The following ZNF277 variants were observed in gnomAD, a reference collection of about 807,000 sequenced individuals.
The protein encoded by ZNF277 is zinc finger protein 277.
ZNF277 carries 55 observed loss-of-function variants against 60.7 expected under a neutral mutation model. The observed-to-expected ratio is 0.91, with a 90% CI of 0.73 to 1.13. The LOEUF is 1.13. Ranked by LOEUF, ZNF277 falls within the 50% of genes most tolerant of loss-of-function variation. The pLI is 0.00. For missense variants in ZNF277, 510 were observed against 523.0 expected (o/e 0.98, Z 0.24); for synonymous variants, 178 against 179.3 (o/e 0.99, Z 0.06).
chr7:112,330,297 T>C, intron 7 of ZNF277, 81 bp downstream of exon 7: 1 of 1,424,946 alleles, frequency 7.0e-7, no homozygotes. Context: ...AATATTTGAA[T>C]AAGCAATTAT....
At chr7:112,259,759 A>G (rs1791401044) in intron 1 of ZNF277, among the ~76,000 whole-genome samples, 1 of 152,234 alleles carries the variant, frequency 6.6e-6, no homozygotes, top group African/African-American at 2.4e-5. Flanking sequence ...GTAACAGCTC[A>G]TACAAACTGA....
intron 1 of ZNF277, among the ~76,000 whole-genome samples, chr7:112,257,424 C>T (rs565022644): frequency 6.6e-6 from 1 of 152,136 alleles, no homozygotes; most frequent in African/African-American, 2.4e-5. Flanking sequence ...CTAGAGAGAA[C>T]TGGGTATAAA....
chr7:112,337,408 T>C (rs1299360433), intron 8 of ZNF277, among the ~76,000 whole-genome samples: 1 of 152,238 alleles, frequency 6.6e-6, no homozygotes, highest in Non-Finnish European at 1.5e-5. Context: ...TTTTCTGATA[T>C]GTCTCCTTTG....
At position 112,288,951 on chromosome 7, in the gene ZNF277, T is replaced by TAAAAAAAAA. The variant is rs759044500; in HGVS notation, c.293+1897_293+1905dup. 8.4e-4 allele frequency: 59 copies of TAAAAAAAAA among 70,386 alleles called. 2 individuals carry two copies. The highest frequency in any genetic ancestry group is 1.6e-3 in the South Asian group (3 of 1,828). The allele number at this position is 70,386 out of a possible 1,614,324, so 4.4% of individuals were successfully genotyped here. A position where few individuals can be genotyped will look rare whatever the true frequency, so the allele number is the denominator to read the frequency against. ...GCTGCATGTGGCAGTCTGCCTTTCT[T>TAAAAAAAAA]AAAAAAAAAAAAAAAAAAAAAAAAA... On this transcript the variant is annotated intron_variant, in intron 2 of 11. Coordinates refer to ENST00000361822, the MANE Select transcript of ZNF277 (RefSeq NM_021994.3).
At chr7:112,229,983 A>G (rs529519575) in intron 1 of ZNF277, among the ~76,000 whole-genome samples, 120 of 152,322 alleles carry the variant, frequency 7.9e-4, no homozygotes, top group Non-Finnish European at 1.2e-3. Context: ...AAATAGAGCA[A>G]TGGAGTAGGA....
chr7:112,224,352 G>C (rs1439693379), intron 1 of ZNF277, among the ~76,000 whole-genome samples: 1 of 152,208 alleles, frequency 6.6e-6, no homozygotes, highest in Non-Finnish European at 1.5e-5. Context: ...ATTTGTGTTG[G>C]ACCACATTCA....
intron 1 of ZNF277, among the ~76,000 whole-genome samples, chr7:112,235,962 A>C (rs572753972): frequency 1.2e-4 from 18 of 152,054 alleles, no homozygotes; most frequent in Non-Finnish European, 2.2e-4. Flanking sequence ...AGGGTTTAAG[A>C]AAGTAATCCA....
At chr7:112,297,306 T>C (rs181803082) in intron 4 of ZNF277, among the ~76,000 whole-genome samples, 1 of 152,280 alleles carries the variant, frequency 6.6e-6, no homozygotes, top group African/African-American at 2.4e-5. Flanking sequence ...TGGGTTCCCA[T>C]TATTTGTGAT....
At chr7:112,337,021 G>A (rs1309785459) in intron 8 of ZNF277, among the ~76,000 whole-genome samples, 1 of 152,152 alleles carries the variant, frequency 6.6e-6, no homozygotes, top group Non-Finnish European at 1.5e-5. Context: ...GATCTTGAGA[G>A]TCTTATCAGT....
intron 1 of ZNF277, among the ~76,000 whole-genome samples, chr7:112,277,735 A>C (rs1189550809): frequency 2.6e-5 from 4 of 152,224 alleles, no homozygotes; most frequent in Admixed American, 6.5e-5. Context: ...GTTGAGCAGC[A>C]TCAGGTTAGA....
intron 7 of ZNF277, among the ~76,000 whole-genome samples, chr7:112,331,951 G>C (rs1416245879): frequency 6.6e-6 from 1 of 152,204 alleles, no homozygotes; most frequent in Non-Finnish European, 1.5e-5. Context: ...GAGACTTCAA[G>C]GGATTTGCTC....
At chr7:112,208,658 A>T (rs1457288822) in intron 1 of ZNF277, among the ~76,000 whole-genome samples, 5 of 124,450 alleles carry the variant, frequency 4.0e-5, no homozygotes, top group Non-Finnish European at 8.3e-5. Context: ...TATATGACAC[A>T]CGTCTGTATG....
intron 1 of ZNF277, among the ~76,000 whole-genome samples, chr7:112,237,855 G>A (rs539337203): frequency 6.6e-6 from 1 of 152,186 alleles, no homozygotes; most frequent in South Asian, 2.1e-4. Flanking sequence ...GTCAAAACCA[G>A]GCAAGGACAC....
chr7:112,281,998 A>G (rs377087163), intron 1 of ZNF277, among the ~76,000 whole-genome samples: 1 of 152,066 alleles, frequency 6.6e-6, no homozygotes, highest in African/African-American at 2.4e-5. Context: ...ACGCCCTGCT[A>G]ATTTTTGTAT....
At chr7:112,313,006 T>G (rs1408718301) in intron 4 of ZNF277, among the ~76,000 whole-genome samples, 1 of 152,144 alleles carries the variant, frequency 6.6e-6, no homozygotes, top group Non-Finnish European at 1.5e-5. Flanking sequence ...TTTGTTGTTA[T>G]TTTAAGAAAT....
chr7:112,273,727 A>G (rs919752639), intron 1 of ZNF277, among the ~76,000 whole-genome samples: 1 of 151,942 alleles, frequency 6.6e-6, no homozygotes, highest in African/African-American at 2.4e-5. Flanking sequence ...CTGCACTCCA[A>G]CCTCGGCAAC....
At chr7:112,262,034 C>T (rs1791448778) in intron 1 of ZNF277, among the ~76,000 whole-genome samples, 1 of 151,822 alleles carries the variant, frequency 6.6e-6, no homozygotes, top group Non-Finnish European at 1.5e-5. Flanking sequence ...ATATGAGTAC[C>T]TAGGGTGTAC....
chr7:112,293,144 C>A (rs1317491206), intron 2 of ZNF277, among the ~76,000 whole-genome samples: 1 of 152,178 alleles, frequency 6.6e-6, no homozygotes, highest in Non-Finnish European at 1.5e-5. Context: ...CCTTGCTTCT[C>A]TATTCACCAT....
intron 1 of ZNF277, among the ~76,000 whole-genome samples, chr7:112,281,108 T>C (rs1791934514): frequency 6.6e-6 from 1 of 152,208 alleles, no homozygotes; most frequent in Admixed American, 6.5e-5. Context: ...TGTCACCTAA[T>C]TTATGGGCTT....
Sources: gnomAD v4.1 joint callset for allele counts (sites outside exome capture counted in the v4.1 genomes callset) on GRCh38, gnomAD v4.1.1 for gene constraint, MANE v1.5 for transcripts, NCBI Gene and HGNC (gene_info 2026-07-23, HGNC 2026-07-21) for gene names.